The following SCHIP1 variants were observed in gnomAD, a reference collection of about 807,000 sequenced individuals.
SCHIP1 encodes the protein schwannomin-interacting protein 1.
SCHIP1 carries 8 observed loss-of-function variants against 29.7 expected under a neutral mutation model. The ratio of observed to expected loss-of-function variants is 0.27; its 90% CI spans 0.16 to 0.49. The LOEUF is 0.49. Among genes scored for constraint, SCHIP1 ranks in the 20% least tolerant of loss-of-function variants. SCHIP1 has a pLI of 0.99. For missense variants in SCHIP1, 193 were observed against 294.6 expected (o/e 0.66, Z 2.52); for synonymous variants, 76 against 94.9 (o/e 0.80, Z 1.16).
At chr3:159,702,468 C>A in the SCHIP1 span, among the ~76,000 whole-genome samples, 1 of 152,168 alleles carries the variant, frequency 6.6e-6, no homozygotes, top group Admixed American at 6.5e-5. Context: ...TACTCAATGC[C>A]TGTTCCTTTC....
chr3:159,414,463 C>T, the SCHIP1 span, among the ~76,000 whole-genome samples: 2 of 152,174 alleles, frequency 1.3e-5, no homozygotes, highest in Admixed American at 1.3e-4. Flanking sequence ...TCCAGGTGCT[C>T]TCCTTTTTGG....
chr3:159,820,321 C>T, the SCHIP1 span, among the ~76,000 whole-genome samples: 1 of 152,266 alleles, frequency 6.6e-6, no homozygotes, highest in African/African-American at 2.4e-5. Context: ...ACAACCCTAC[C>T]TTAATCAAAA....
the SCHIP1 span, among the ~76,000 whole-genome samples, chr3:159,476,603 G>A: frequency 6.6e-6 from 1 of 151,998 alleles, no homozygotes; most frequent in Non-Finnish European, 1.5e-5. Flanking sequence ...ATAAAAACTA[G>A]ACCATTAAAA....
At chr3:159,396,547 C>T in the SCHIP1 span, among the ~76,000 whole-genome samples, 3 of 148,832 alleles carry the variant, frequency 2.0e-5, no homozygotes, top group Admixed American at 1.3e-4. Context: ...ATTTGCTTGT[C>T]TGTAAAGTAT....
At chr3:159,858,468 C>T (rs1390553803) in intron 1 of SCHIP1, among the ~76,000 whole-genome samples, 1 of 152,130 alleles carries the variant, frequency 6.6e-6, no homozygotes, top group Non-Finnish European at 1.5e-5. Flanking sequence ...CCTTCTCAAT[C>T]GAAATATTCA....
At chr3:159,832,383 C>T in the SCHIP1 span, among the ~76,000 whole-genome samples, 1 of 152,104 alleles carries the variant, frequency 6.6e-6, no homozygotes, top group Admixed American at 6.6e-5. Context: ...TCAGTTTCTC[C>T]CTTTGCTGGC....
chr3:159,732,375 G>T, the SCHIP1 span, among the ~76,000 whole-genome samples: 1,661 of 152,268 alleles, frequency 0.011, 29 homozygotes, highest in African/African-American at 0.037. Flanking sequence ...GGAAGTTTGC[G>T]GGCAGCCCCA....
the SCHIP1 span, among the ~76,000 whole-genome samples, chr3:159,601,850 C>G: frequency 6.6e-6 from 1 of 152,190 alleles, no homozygotes; most frequent in African/African-American, 2.4e-5. Context: ...TGCAGACCTC[C>G]AAGTGGTCAC....
At chr3:159,395,893 T>C in the SCHIP1 span, among the ~76,000 whole-genome samples, 114 of 152,150 alleles carry the variant, frequency 7.5e-4, 1 homozygote, top group African/African-American at 2.7e-3. Flanking sequence ...TTCTGTCTCA[T>C]TGATCTGTCT....
At chr3:159,667,467 GTGA>G in the SCHIP1 span, among the ~76,000 whole-genome samples, 1 of 152,186 alleles carries the variant, frequency 6.6e-6, no homozygotes, top group Non-Finnish European at 1.5e-5. Context: ...TCATTCCTGA[GTGA>G]TGATCAGGGC....
At chr3:159,567,571 A>G in the SCHIP1 span, among the ~76,000 whole-genome samples, 1 of 152,084 alleles carries the variant, frequency 6.6e-6, no homozygotes, top group South Asian at 2.1e-4. Flanking sequence ...ACAGCGCTAT[A>G]ATTTGTTAAG....
chr3:159,326,109 A>G, the SCHIP1 span, among the ~76,000 whole-genome samples: 1 of 152,102 alleles, frequency 6.6e-6, no homozygotes, highest in African/African-American at 2.4e-5. Flanking sequence ...AGACACGGAG[A>G]GGCTAAGTTA....
the SCHIP1 span, among the ~76,000 whole-genome samples, chr3:159,361,009 A>G: frequency 2.0e-5 from 3 of 152,194 alleles, no homozygotes; most frequent in South Asian, 4.1e-4. Context: ...TTGAACATGA[A>G]CAATGTGCCA....
the SCHIP1 span, among the ~76,000 whole-genome samples, chr3:159,524,531 A>G: frequency 6.6e-6 from 1 of 152,200 alleles, no homozygotes; most frequent in African/African-American, 2.4e-5. Flanking sequence ...AACCTATCTC[A>G]GTAGATCCAA....
intron 6 of SCHIP1, among the ~76,000 whole-genome samples, chr3:159,895,879 A>G (rs1014614796): frequency 5.5e-4 from 83 of 152,258 alleles, no homozygotes; most frequent in African/African-American, 1.9e-3. Flanking sequence ...TATTTTTAGT[A>G]AAGGCAGGGT....
At chr3:159,582,631 T>G in the SCHIP1 span, among the ~76,000 whole-genome samples, 1 of 152,152 alleles carries the variant, frequency 6.6e-6, no homozygotes, top group Non-Finnish European at 1.5e-5. Context: ...CTTAATAGAC[T>G]GCAGTATAAA....
chr3:159,366,008 G>A, the SCHIP1 span, among the ~76,000 whole-genome samples: 1 of 152,110 alleles, frequency 6.6e-6, no homozygotes, highest in Non-Finnish European at 1.5e-5. Context: ...CCCAAGACAG[G>A]GTTGTTGTTT....
chr3:159,425,003 T>C, the SCHIP1 span, among the ~76,000 whole-genome samples: 2 of 151,704 alleles, frequency 1.3e-5, no homozygotes, highest in Admixed American at 1.3e-4. Flanking sequence ...AGAGATTTTG[T>C]CACCACCAGG....
chr3:159,771,373 G>A, the SCHIP1 span, among the ~76,000 whole-genome samples: 5 of 152,324 alleles, frequency 3.3e-5, no homozygotes, highest in African/African-American at 1.2e-4. Context: ...AGTTTAATAA[G>A]TTGTGTGATT....
Sources: gnomAD v4.1 joint callset for allele counts (sites outside exome capture counted in the v4.1 genomes callset) on GRCh38, gnomAD v4.1.1 for gene constraint, MANE v1.5 for transcripts, NCBI Gene and HGNC (gene_info 2026-07-23, HGNC 2026-07-21) for gene names.